Variants in FBLN1 observed in about 807,000 individuals in gnomAD.
FBLN1 encodes the protein fibulin-1.
A neutral mutation model predicts 89.7 loss-of-function variants in FBLN1; 34 were observed. That is an observed-to-expected ratio of 0.38 (90% CI 0.29 to 0.50). FBLN1 has a LOEUF of 0.50. FBLN1 is among the 20% of genes least tolerant of loss of function. The probability of loss-of-function intolerance (pLI) is 0.92; values close to 1 mark genes in which losing one functional copy is unlikely to be tolerated. For synonymous variants in FBLN1, 393 were observed against 391.3 expected, an observed-to-expected ratio of 1.00 and a Z score of -0.05; for missense variants, 777 against 988.1, an observed-to-expected ratio of 0.79 and a Z score of 2.86.
chr22:45,600,885 C>T lies in FBLN1; in HGVS notation c.*439C>T. The T allele has an allele frequency of 7.3e-6, 2 of 275,450 alleles. No individual in the cohort carries two copies. The highest frequency in any genetic ancestry group is 1.4e-5 in the Non-Finnish European group (2 of 142,886). 17.1% of individuals were successfully genotyped at this position (275,450 alleles called of 1,614,324 possible). On this transcript the variant is annotated 3_prime_UTR_variant, in exon 17 of 17. Coordinates refer to ENST00000327858, the MANE Select transcript of FBLN1 (RefSeq NM_006486.3). ...TTTCTATGTTCTAAGGACATGGCTG[C>T]TGTAGAATAGCACAGACGTGGATGA...
At position 45,542,315 on chromosome 22, in the gene FBLN1, AC is replaced by A. The variant is rs2088568096; in HGVS notation, c.1195+35del. The stretch of plus-strand genomic sequence containing the variant: ...GGGGGGCCCCGCAGGCCTCGGGGGA[AC>A]CCAGCCACGTGGCACCAGGGACACA... On this transcript the variant is annotated intron_variant, in intron 10 of 16. Coordinates refer to ENST00000327858, the MANE Select transcript of FBLN1 (RefSeq NM_006486.3). The A allele has an allele frequency of 3.1e-5, 50 of 1,612,804 alleles. No individual in the cohort carries two copies. In the East Asian group the frequency reaches 1.1e-3, roughly 36 times the overall value.
Position 45,518,790 on chromosome 22 carries a change from A to G in FBLN1, c.185+3A>G, listed in dbSNP as rs752679919. The G allele has an allele frequency of 4.4e-6, 7 of 1,604,216 alleles. No homozygotes were observed. The Admixed American group carries it at 6.8e-5, about 16-fold the overall frequency. ...GCTACGGAATCCAAAGAATGCAGGT[A>G]CGTTTGCCAGTGGCCACTGTTTCAC... is the stretch of plus-strand genomic sequence containing the variant. On this transcript the variant is annotated splice_donor_region_variant and intron_variant, in intron 2 of 16. Coordinates refer to ENST00000327858, the MANE Select transcript of FBLN1 (RefSeq NM_006486.3).
rs1247196364 is a variant in FBLN1, at chr22:45,545,178, A to G, written c.1321+1652A>G. On this transcript the variant is annotated intron_variant, in intron 11 of 16. Transcript: ENST00000327858. The surrounding 1 kb of genome is among the most constrained non-coding windows in gnomAD (Gnocchi z 5.9). ...GGGGTCCTGGGCTTAGTTCACAAGA[A>G]CGTGTATGGACAAGGAACAAGATTC... Among the ~76,000 whole-genome samples, 1 of 152,174 alleles carries G rather than the reference A, an allele frequency of 6.6e-6. No individual in the cohort carries two copies. The highest frequency in any genetic ancestry group is 1.9e-4 in the East Asian group (1 of 5,200).
chr22:45,554,260 G>A (rs2088747787), intron 14 of FBLN1, among the ~76,000 whole-genome samples: 2 of 152,198 alleles, frequency 1.3e-5, no homozygotes, highest in Non-Finnish European at 2.9e-5. Context: ...ACAGCTCATG[G>A]GTCCCATGCT....
chr22:45,589,876 C>T lies in FBLN1; in HGVS notation c.1973-10431C>T, dbSNP rs559469794. 5.9e-5 allele frequency among the ~76,000 whole-genome samples: 9 copies of T among 152,322 alleles called. No homozygotes were observed. In the East Asian group the frequency reaches 1.4e-3, roughly 23 times the overall value. Reference sequence around the variant, plus strand: ...ATCGCCCTTTTCTTGTTGGGCACCTCGTTCTTCAAAGTCAGTTCAAGGTTA... The same window carrying T: ...ATCGCCCTTTTCTTGTTGGGCACCTTGTTCTTCAAAGTCAGTTCAAGGTTA... On this transcript the variant is annotated intron_variant, in intron 16 of 16. Coordinates refer to ENST00000327858, the MANE Select transcript of FBLN1 (RefSeq NM_006486.3).
Position 45,577,121 on chromosome 22 carries a change from G to A in FBLN1, c.1972+13G>A. ...GGCATGACCGTGGGTGAGTGGCTGG[G>A]AATATCAGCTCTATCCAGGCACCCC... On this transcript the variant is annotated intron_variant, in intron 16 of 16. Coordinates refer to ENST00000327858, the MANE Select transcript of FBLN1 (RefSeq NM_006486.3). This position sits in a 1 kb window ranked among gnomAD's most constrained non-coding sequence, Gnocchi z 6.6. The A allele has an allele frequency of 2.5e-6, 4 of 1,613,742 alleles. No individual in the cohort carries two copies. The highest frequency in any genetic ancestry group is 3.4e-6 in the Non-Finnish European group (4 of 1,179,966).
Position 45,572,664 on chromosome 22 carries a change from G to A in FBLN1, c.1698-1847G>A, listed in dbSNP as rs1424443472. Among the ~76,000 whole-genome samples, 5 of 152,234 alleles carry A rather than the reference G, an allele frequency of 3.3e-5. No individual in the cohort carries two copies. The highest frequency in any genetic ancestry group is 2.1e-4 in the South Asian group (1 of 4,828). On this transcript the variant is annotated intron_variant, in intron 14 of 16. Coordinates refer to ENST00000327858, the MANE Select transcript of FBLN1 (RefSeq NM_006486.3). This position sits in a 1 kb window ranked among gnomAD's most constrained non-coding sequence, Gnocchi z 5.8. ...TGCAATCCTTGATGAATCAGTGGGC[G>A]TAGGCCTTGAGCATCAGTAGATGCT... is the stretch of plus-strand genomic sequence containing the variant.
rs2089040799 is a variant in FBLN1 at position 45,581,420 on chromosome 22, GTGATAGGAGGGCCTGGCC to G, written c.1972+4315_1972+4332del. Among the ~76,000 whole-genome samples, 1 of 152,080 alleles carries G rather than the reference GTGATAGGAGGGCCTGGCC, an allele frequency of 6.6e-6. No homozygotes were observed. Among genetic ancestry groups the G allele is most frequent in the African/African-American group, 2.4e-5 (1 of 41,432 alleles). ...CTGACTGCTCCAGGGTCATGGCTGT[GTGATAGGAGGGCCTGGCC>G]TGCAAAAACGCCCTCCCTATTTCTC... On this transcript the variant is annotated intron_variant, in intron 16 of 16. Transcript: ENST00000327858. The surrounding 1 kb of genome is among the most constrained non-coding windows in gnomAD (Gnocchi z 7.6).
chr22:45,541,096 G>GT (rs1231839678), intron 8 of FBLN1, 133 bp from the exon 9 acceptor site: 1 of 1,161,036 alleles, frequency 8.6e-7, no homozygotes, highest in Non-Finnish European at 1.3e-6. Context: ...GTGGTCCAGA[G>GT]TGAGGGGGTT....
At chr22:45,541,078 G>A in intron 8 of FBLN1, 151 bp from the exon 9 acceptor site, 1 of 949,026 alleles carries the variant, frequency 1.1e-6, no homozygotes, top group East Asian at 2.5e-5. Context: ...CAGCTGGGAG[G>A]CGGCTGTGTG....
intron 16 of FBLN1, among the ~76,000 whole-genome samples, chr22:45,586,338 A>G (rs752745286): frequency 1.4e-4 from 21 of 152,326 alleles, no homozygotes; most frequent in Admixed American, 6.5e-4. Context: ...AGGAGACAGC[A>G]TGGTGGGGAG....
At position 45,580,267 on chromosome 22, in the gene FBLN1, G is replaced by A. The variant is rs774245842; in HGVS notation, c.1972+3159G>A. ...AGGGCTGCTGCTCCTGGTGGGGAGC[G>A]TGGGAGGCTCTTGAGCCTCCTGGGC... On this transcript the variant is annotated intron_variant, in intron 16 of 16. Coordinates refer to ENST00000327858, the MANE Select transcript of FBLN1 (RefSeq NM_006486.3). The surrounding 1 kb of genome is among the most constrained non-coding windows in gnomAD (Gnocchi z 8.6). Among the ~76,000 whole-genome samples, 10 of 152,288 alleles carry A rather than the reference G, an allele frequency of 6.6e-5. No homozygotes were observed. In the East Asian group the frequency reaches 1.2e-3, roughly 18 times the overall value.
At position 45,570,632 on chromosome 22, in the gene FBLN1, C is replaced by T. The variant is rs140291969; in HGVS notation, c.1698-3879C>T. ...ATTCAAAATCTGTAAGAAGATCTGACATTTAGATAATAGGACTCCCTGCAG... is the reference window on the plus strand; with the variant it reads ...ATTCAAAATCTGTAAGAAGATCTGATATTTAGATAATAGGACTCCCTGCAG... On this transcript the variant is annotated intron_variant, in intron 14 of 16. Transcript: ENST00000327858. 4.0e-3 allele frequency among the ~76,000 whole-genome samples: 603 copies of T among 152,216 alleles called. 4 individuals carry two copies. The highest frequency in any genetic ancestry group is 0.014 in the African/African-American group (584 of 41,542).
rs2088491058 is a variant in FBLN1, at chr22:45,536,991, T to G, written c.922+1654T>G. On this transcript the variant is annotated intron_variant, in intron 8 of 16. Coordinates refer to ENST00000327858, the MANE Select transcript of FBLN1 (RefSeq NM_006486.3). The surrounding 1 kb of genome is among the most constrained non-coding windows in gnomAD (Gnocchi z 5.1). ...GCCGTTGTCAGGTTAACTGCCTGGC[T>G]AGGCCGCTGCAGTCAGCGCTTAAGT... is the stretch of plus-strand genomic sequence containing the variant. Among the ~76,000 whole-genome samples the G allele has an allele frequency of 6.6e-6, 1 of 152,186 alleles. No individual in the cohort carries two copies. Among genetic ancestry groups the G allele is most frequent in the Non-Finnish European group, 1.5e-5 (1 of 68,024 alleles).
chr22:45,574,091 G>A lies in FBLN1; in HGVS notation c.1698-420G>A, dbSNP rs577785570. Among the ~76,000 whole-genome samples, 1 of 152,294 alleles carries A rather than the reference G, an allele frequency of 6.6e-6. No individual in the cohort carries two copies. Among genetic ancestry groups the A allele is most frequent in the Non-Finnish European group, 1.5e-5 (1 of 68,016 alleles). On this transcript the variant is annotated intron_variant, in intron 14 of 16. Coordinates refer to ENST00000327858, the MANE Select transcript of FBLN1 (RefSeq NM_006486.3). The surrounding 1 kb of genome is among the most constrained non-coding windows in gnomAD (Gnocchi z 4.1). ...TATTACCCTGCTGCCCAGCCTCACT[G>A]TGGGCTCTGAGAAGGCGGGACCATG...
In FBLN1 at chr22:45,552,178, G is replaced by C. The variant is rs544869731; in HGVS notation, c.1697+1563G>C. ...TCCCCGCACAGGCTCCGCCTTCGGC[G>C]TGTGTGCTAGGAGGGAGGAGGGGAC... On this transcript the variant is annotated intron_variant, in intron 14 of 16. Coordinates refer to ENST00000327858, the MANE Select transcript of FBLN1 (RefSeq NM_006486.3). Among the ~76,000 whole-genome samples the C allele has an allele frequency of 2.0e-5, 3 of 152,382 alleles. No individual in the cohort carries two copies. The East Asian group carries it at 5.8e-4, about 29-fold the overall frequency.
rs113523965 is a variant in FBLN1 at position 45,503,335 on chromosome 22, C to T, written c.79+271C>T. 7.9e-3 allele frequency: 1,893 copies of T among 239,010 alleles called. 43 individuals are homozygous for T. Among genetic ancestry groups the T allele is most frequent in the African/African-American group, 0.04 (1,767 of 43,952 alleles). The allele number at this position is 239,010 out of a possible 1,614,324, so 14.8% of individuals were successfully genotyped here. A position where few individuals can be genotyped will look rare whatever the true frequency, so the allele number is the denominator to read the frequency against. The stretch of plus-strand genomic sequence containing the variant: ...CTACCCCAGTCCTAGCAAATCCAGC[C>T]GGCTCCGGGGGCCGCATCCCGGGCC... On this transcript the variant is annotated intron_variant, in intron 1 of 16. Transcript: ENST00000327858.
At position 45,532,227 on chromosome 22, in the gene FBLN1, G is replaced by C. The variant is rs552313957; in HGVS notation, c.545-836G>C. ...GGAGGGAGGAAGGGAGTGACCTAGA[G>C]CCCCAGCAAGCCTCAGGGCTATGGG... is the stretch of plus-strand genomic sequence containing the variant. On this transcript the variant is annotated intron_variant, in intron 5 of 16. Coordinates refer to ENST00000327858, the MANE Select transcript of FBLN1 (RefSeq NM_006486.3). This position sits in a 1 kb window ranked among gnomAD's most constrained non-coding sequence, Gnocchi z 4.2. Among the ~76,000 whole-genome samples, 3 of 152,244 alleles carry C rather than the reference G, an allele frequency of 2.0e-5. No individual in the cohort carries two copies. In the East Asian group the frequency reaches 5.8e-4, roughly 29 times the overall value.
In FBLN1 at chr22:45,580,907, C is replaced by T. The variant is rs955986306; in HGVS notation, c.1972+3799C>T. 2.0e-5 allele frequency among the ~76,000 whole-genome samples: 3 copies of T among 152,244 alleles called. No homozygotes were observed. Among genetic ancestry groups the T allele is most frequent in the Non-Finnish European group, 4.4e-5 (3 of 68,044 alleles). ...ATCGAGGAGCCCGCAGCAGGGCCCG[C>T]GCCGTCGTCTTTGTAAAGCCCCCTT... On this transcript the variant is annotated intron_variant, in intron 16 of 16. Coordinates refer to ENST00000327858, the MANE Select transcript of FBLN1 (RefSeq NM_006486.3). This position sits in a 1 kb window ranked among gnomAD's most constrained non-coding sequence, Gnocchi z 8.6.
Sources: allele counts gnomAD v4.1 joint callset (sites outside exome capture counted in the v4.1 genomes callset), GRCh38; gene constraint gnomAD v4.1.1; non-coding constraint Gnocchi (gnomAD v3.1); transcripts MANE v1.5; gene names NCBI Gene and HGNC (gene_info 2026-07-23, HGNC 2026-07-21).